RGS5: variants seen among roughly 807,000 people sequenced by gnomAD.
The protein encoded by RGS5 is regulator of G-protein signalling 5.
RGS5 carries 20 observed loss-of-function variants against 18.9 expected under a neutral mutation model. The observed-to-expected ratio is 1.06, with a 90% CI of 0.74 to 1.54. RGS5 has a LOEUF of 1.54. Among genes scored for constraint, RGS5 ranks in the 40% most tolerant of loss-of-function variants. RGS5 has a pLI of 0.00. For synonymous variants in RGS5, 57 were observed against 76.2 expected (o/e 0.75, Z 1.31); for missense variants, 201 against 211.8 (o/e 0.95, Z 0.32).
intron 2 of RGS5, among the ~76,000 whole-genome samples, chr1:163,247,324 T>G (rs756114193): frequency 1.3e-5 from 2 of 152,192 alleles, no homozygotes; most frequent in Non-Finnish European, 2.9e-5. Flanking sequence ...AATGAATTGT[T>G]GAGCTTTCAA....
intron 2 of RGS5, among the ~76,000 whole-genome samples, chr1:163,225,452 T>A (rs1647312860): frequency 1.3e-5 from 2 of 152,124 alleles, no homozygotes; most frequent in African/African-American, 4.8e-5. Flanking sequence ...TGTGTTTGGT[T>A]TTGAAAATAT....
At chr1:163,320,898 T>C (rs749901191) in intron 1 of RGS5, among the ~76,000 whole-genome samples, 13 of 152,210 alleles carry the variant, frequency 8.5e-5, no homozygotes, top group Non-Finnish European at 1.6e-4. Flanking sequence ...TTTTTTCACA[T>C]AATTCAGTTC....
chr1:163,309,577 T>C lies in RGS5; in HGVS notation c.-377-3248A>G, dbSNP rs148673167. The stretch of plus-strand genomic sequence containing the variant: ...ATAATATTGCAGCAATTTAGTCACA[T>C]CTTCAGGTGCCACTTCTAATTCTAG... On this transcript the variant is annotated intron_variant, in intron 1 of 5. Transcript: ENST00000618415. Among the ~76,000 whole-genome samples the C allele has an allele frequency of 1.8e-3, 271 of 152,292 alleles. 1 individual carries two copies. The highest frequency in any genetic ancestry group is 6.3e-3 in the African/African-American group (263 of 41,574).
At chr1:163,218,238 A>G (rs527293840), upstream of RGS5, among the ~76,000 whole-genome samples, 259 of 152,302 alleles carry the variant, frequency 1.7e-3, no homozygotes, top group Middle Eastern at 0.014. Context: ...GGGAAAAATG[A>G]TATCTTTCTT....
At chr1:163,225,942 C>T (rs190058181) in intron 2 of RGS5, among the ~76,000 whole-genome samples, 51 of 148,734 alleles carry the variant, frequency 3.4e-4, no homozygotes, top group African/African-American at 1.2e-3. Flanking sequence ...TTTTTTGAGA[C>T]AGAATTTGGC....
rs527367820 is a variant in RGS5, at chr1:163,163,833, C to A, written c.156-1857G>T. Among the ~76,000 whole-genome samples the A allele has an allele frequency of 2.6e-5, 4 of 152,322 alleles. No individual in the cohort carries two copies. The South Asian group carries it at 8.3e-4, about 32-fold the overall frequency. ...AGGAAGGCTGATTTACTCACAGGAT[C>A]TCCTGATTTTATAAATATTCTCATT... On this transcript the variant is annotated intron_variant, in intron 2 of 4. Coordinates refer to ENST00000313961, the MANE Select transcript of RGS5 (RefSeq NM_003617.4).
intron 1 of RGS5, among the ~76,000 whole-genome samples, chr1:163,307,128 G>A (rs1424001228): frequency 4.6e-5 from 7 of 152,184 alleles, no homozygotes; most frequent in Non-Finnish European, 1.5e-5. Context: ...ACAGAGGGAA[G>A]ACCTACTGAG....
intron 2 of RGS5, 110 bp from the exon 3 acceptor site, chr1:163,162,086 T>A: frequency 1.3e-6 from 1 of 775,792 alleles, no homozygotes; most frequent in Non-Finnish European, 2.3e-6. Flanking sequence ...ATATGACTGC[T>A]GGTCTATCCT....
intron 2 of RGS5, among the ~76,000 whole-genome samples, chr1:163,257,693 G>A (rs1648316327): frequency 2.0e-5 from 3 of 152,162 alleles, no homozygotes; most frequent in Admixed American, 2.0e-4. Flanking sequence ...AGGAAACTGA[G>A]GCCTAGACAA....
chr1:163,259,335 T>C (rs1291965505), intron 2 of RGS5, among the ~76,000 whole-genome samples: 1 of 146,304 alleles, frequency 6.8e-6, no homozygotes, highest in Non-Finnish European at 1.5e-5. Flanking sequence ...TTTTTTTATC[T>C]TTTTTTTTTC....
At chr1:163,182,430 T>C (rs1457889914) in intron 1 of RGS5, among the ~76,000 whole-genome samples, 1 of 152,172 alleles carries the variant, frequency 6.6e-6, no homozygotes, top group Non-Finnish European at 1.5e-5. Context: ...AGTATTGTTT[T>C]TCCCAAGTAC....
At chr1:163,291,728 T>A (rs1040098426) in intron 2 of RGS5, among the ~76,000 whole-genome samples, 4 of 152,088 alleles carry the variant, frequency 2.6e-5, no homozygotes, top group African/African-American at 7.2e-5. Flanking sequence ...TGATTTCATC[T>A]CTGACCCAAC....
chr1:163,263,265 G>A (rs1648498841), intron 2 of RGS5, among the ~76,000 whole-genome samples: 1 of 152,158 alleles, frequency 6.6e-6, no homozygotes, highest in African/African-American at 2.4e-5. Flanking sequence ...CCCTAAGAGA[G>A]GACCCTTTCC....
chr1:163,269,840 G>A (rs753469129), intron 2 of RGS5, among the ~76,000 whole-genome samples: 2 of 152,044 alleles, frequency 1.3e-5, no homozygotes, highest in African/African-American at 2.4e-5. Flanking sequence ...GTCTTTTCTA[G>A]AATGATCTCT....
chr1:163,230,401 A>AT (rs758263334), intron 2 of RGS5, among the ~76,000 whole-genome samples: 3 of 152,186 alleles, frequency 2.0e-5, no homozygotes, highest in Non-Finnish European at 4.4e-5. Context: ...TGTTATAGTG[A>AT]TAATGCTAAC....
intron 2 of RGS5, among the ~76,000 whole-genome samples, chr1:163,231,451 C>T (rs1382798247): frequency 6.6e-6 from 1 of 152,100 alleles, no homozygotes; most frequent in Non-Finnish European, 1.5e-5. Context: ...CAGGAGTAAC[C>T]CAGGAGAACC....
intron 1 of RGS5, among the ~76,000 whole-genome samples, chr1:163,311,909 C>T (rs1327563403): frequency 6.6e-6 from 1 of 152,092 alleles, no homozygotes; most frequent in Non-Finnish European, 1.5e-5. Context: ...TTTAATTTGT[C>T]AAAAATGCAG....
intron 1 of RGS5, among the ~76,000 whole-genome samples, chr1:163,188,555 G>T (rs960831825): frequency 1.3e-5 from 2 of 152,150 alleles, no homozygotes; most frequent in African/African-American, 4.8e-5. Flanking sequence ...AAATGGATTT[G>T]GGGTGGATTC....
At chr1:163,204,500 C>T (rs1002716880), upstream of RGS5, among the ~76,000 whole-genome samples, 4 of 152,142 alleles carry the variant, frequency 2.6e-5, no homozygotes, top group Non-Finnish European at 5.9e-5. Context: ...AAGACTCTTG[C>T]TACCATGCCT....
Sources: allele counts gnomAD v4.1 joint callset (sites outside exome capture counted in the v4.1 genomes callset), GRCh38; gene constraint gnomAD v4.1.1; transcripts MANE v1.5; gene names NCBI Gene and HGNC (gene_info 2026-07-23, HGNC 2026-07-21).